The following SCN9A variants were observed in gnomAD, a reference collection of about 807,000 sequenced individuals.
The protein encoded by SCN9A is sodium voltage-gated channel alpha subunit 9.
A neutral mutation model predicts 187.0 loss-of-function variants in SCN9A; 131 were observed. The observed-to-expected ratio is 0.70, with a 90% CI of 0.61 to 0.81. The LOEUF (loss-of-function observed/expected upper bound fraction) is 0.81, where lower values mean the gene tolerates loss of function less well. Ranked by LOEUF, SCN9A falls within the 30% of genes least tolerant of loss-of-function variation. SCN9A has a pLI of 0.00. For synonymous variants in SCN9A, 809 were observed against 808.6 expected, an observed-to-expected ratio of 1.00 and a Z score of -0.01; for missense variants, 2,252 against 2,396.6, an observed-to-expected ratio of 0.94 and a Z score of 1.26.
At chr2:166,259,130 C>G (rs909470163) in intron 17 of SCN9A, 1 of 151,596 alleles carries the variant, frequency 6.6e-6, no homozygotes, top group Non-Finnish European at 1.5e-5. Context: ...TGCAGTGGGT[C>G]AGGCAGAAAG....
At chr2:166,283,094 T>A (rs567804063) in intron 12 of SCN9A, among the ~76,000 whole-genome samples, 1 of 152,260 alleles carries the variant, frequency 6.6e-6, no homozygotes, top group East Asian at 1.9e-4. Flanking sequence ...CTGATTTTTC[T>A]ATGGTGAAAA....
At chr2:166,360,228 AAAAAAAAG>A (rs1451715382) in intron 1 of SCN9A, among the ~76,000 whole-genome samples, 47 of 145,294 alleles carry the variant, frequency 3.2e-4, no homozygotes, top group African/African-American at 1.2e-3. Flanking sequence ...TCAAAAAAAA[AAAAAAAAG>A]AAAAAAAAAA....
chr2:166,201,757 G>A (rs1311401860), intron 26 of SCN9A, among the ~76,000 whole-genome samples: 1 of 150,954 alleles, frequency 6.6e-6, no homozygotes, highest in African/African-American at 2.4e-5. Context: ...TCTCCAGAAA[G>A]CCTGTACTAA....
intron 1 of SCN9A, among the ~76,000 whole-genome samples, chr2:166,373,019 C>T (rs190668591): frequency 2.1e-3 from 314 of 152,186 alleles, no homozygotes; most frequent in South Asian, 0.01. Flanking sequence ...AATGATCTTT[C>T]CAAAACAAAA....
In SCN9A at chr2:166,199,108, G is replaced by C; in HGVS notation, c.5531C>G (p.Ala1844Gly). 6.2e-7 allele frequency: 1 copy of C among 1,614,138 alleles called. No individual in the cohort carries two copies. Among genetic ancestry groups the C allele is most frequent in the Non-Finnish European group, 8.5e-7 (1 of 1,180,028 alleles). ...DRIHCLDILFAFTKRVLGESG... is the reference protein window; with the variant it reads ...DRIHCLDILFGFTKRVLGESG... ...CTCACCCAAAACACGCTTTGTAAAA[G>C]CAAATAAGATGTCAAGACAATGGAT... Residue 1844 changes from alanine to glycine, a missense_variant, in exon 27 of 27, where the codon GCT becomes GGT. By Grantham distance (60) the Ala-to-Gly change is moderately conservative. This residue lies in a region of SCN9A where 345 missense variants were observed against 344.6 expected (regional missense o/e 1.00). Coordinates refer to ENST00000642356, the MANE Select transcript of SCN9A (RefSeq NM_001365536.1).
intron 1 of SCN9A, among the ~76,000 whole-genome samples, chr2:166,367,290 T>A (rs1024945808): frequency 5.3e-5 from 8 of 152,164 alleles, no homozygotes; most frequent in African/African-American, 1.9e-4. Flanking sequence ...TGAGACTGAG[T>A]CTCGCTCTGT....
At chr2:166,343,778 A>G (rs1050462124) in intron 1 of SCN9A, among the ~76,000 whole-genome samples, 2 of 151,394 alleles carry the variant, frequency 1.3e-5, no homozygotes, top group Non-Finnish European at 2.9e-5. Context: ...CCTGGGAGAC[A>G]GAGTGAGATT....
intron 17 of SCN9A, among the ~76,000 whole-genome samples, chr2:166,263,153 T>C (rs1256112034): frequency 1.3e-5 from 2 of 151,988 alleles, no homozygotes; most frequent in East Asian, 1.9e-4. Context: ...TTGCTTTGTT[T>C]TGGAACTACT....
At chr2:166,345,513 GA>G (rs972170119) in intron 1 of SCN9A, among the ~76,000 whole-genome samples, 2 of 147,830 alleles carry the variant, frequency 1.4e-5, no homozygotes, top group Admixed American at 1.3e-4. Context: ...GTATGCTCTT[GA>G]AAAAAAGTAA....
At chr2:166,371,239 C>T (rs1052305553) in intron 1 of SCN9A, among the ~76,000 whole-genome samples, 12 of 152,146 alleles carry the variant, frequency 7.9e-5, no homozygotes, top group Admixed American at 1.3e-4. Context: ...GTGGAAAGAA[C>T]GGTTTTCTCT....
chr2:166,328,148 A>C (rs1389109882), intron 1 of SCN9A, among the ~76,000 whole-genome samples: 1 of 152,134 alleles, frequency 6.6e-6, no homozygotes, highest in East Asian at 1.9e-4. Flanking sequence ...GAGTGAAAAT[A>C]TTATTCTAGA....
chr2:166,370,217 A>ATCATCATCATCATCATC (rs1553507690), intron 1 of SCN9A, among the ~76,000 whole-genome samples: 2 of 78,020 alleles, frequency 2.6e-5, no homozygotes, highest in African/African-American at 1.1e-4. Context: ...TAATAATAAT[A>ATCATCATCATCATCATC]ATAATAATAA....
intron 3 of SCN9A, 108 bp from the exon 4 acceptor site, chr2:166,306,707 G>A (rs1698770034): frequency 3.8e-6 from 3 of 796,658 alleles, no homozygotes; most frequent in Non-Finnish European, 6.5e-6. Context: ...AATTCTAAAT[G>A]AGCTTGTAGA....
intron 1 of SCN9A, chr2:166,321,325 G>T (rs1468329549): frequency 6.6e-6 from 1 of 152,064 alleles, no homozygotes; most frequent in Non-Finnish European, 1.5e-5. Context: ...TTCAAGAACA[G>T]CATGGGCAAC....
intron 24 of SCN9A, chr2:166,205,321 C>T (rs114606620): frequency 0.072 from 10,996 of 152,174 alleles, 448 homozygotes; most frequent in Non-Finnish European, 0.093. Flanking sequence ...GATACATACA[C>T]CAACAGAACA....
At position 166,214,577 on chromosome 2, in the gene SCN9A, C is replaced by G. The variant is rs1020976024; in HGVS notation, c.4399-10113G>C. 4.5e-4 allele frequency among the ~76,000 whole-genome samples: 52 copies of G among 115,826 alleles called. 1 individual carries two copies. The highest frequency in any genetic ancestry group is 1.2e-4 in the Non-Finnish European group (7 of 59,142). 76.0% of individuals were successfully genotyped at this position (115,826 alleles called of 152,430 possible). On this transcript the variant is annotated intron_variant, in intron 24 of 26. Coordinates refer to ENST00000642356, the MANE Select transcript of SCN9A (RefSeq NM_001365536.1). ...TCGCCCAGGCTGGAGTGCAGTGGCGCAATCTCGGCTCACTGCAAGCTCCGC... is the reference window on the plus strand; with the variant it reads ...TCGCCCAGGCTGGAGTGCAGTGGCGGAATCTCGGCTCACTGCAAGCTCCGC...
At chr2:166,339,417 TCTTA>T (rs1699711374) in intron 1 of SCN9A, among the ~76,000 whole-genome samples, 1 of 152,136 alleles carries the variant, frequency 6.6e-6, no homozygotes, top group African/African-American at 2.4e-5. Context: ...TTAATTTAGA[TCTTA>T]CTTTAAGATA....
At chr2:166,200,603 A>T (rs2106340106) in intron 26 of SCN9A, among the ~76,000 whole-genome samples, 1 of 152,292 alleles carries the variant, frequency 6.6e-6, no homozygotes, top group South Asian at 2.1e-4. Flanking sequence ...CACACAAACA[A>T]ATGTATTCAT....
chr2:166,223,120 A>C (rs542489527), intron 24 of SCN9A, among the ~76,000 whole-genome samples: 4 of 152,242 alleles, frequency 2.6e-5, no homozygotes, highest in Non-Finnish European at 4.4e-5. Context: ...GTTGGAATGT[A>C]AAATGATGTA....
Sources: allele counts gnomAD v4.1 joint callset (sites outside exome capture counted in the v4.1 genomes callset), GRCh38; gene constraint gnomAD v4.1.1; regional missense constraint gnomAD v4.1.1; transcripts MANE v1.5; gene names NCBI Gene and HGNC (gene_info 2026-07-23, HGNC 2026-07-21).